DLEU7: variants seen among roughly 807,000 people sequenced by gnomAD.
The protein encoded by DLEU7 is leukemia-associated protein 7.
DLEU7 carries 17 observed loss-of-function variants against 16.0 expected under a neutral mutation model. The ratio of observed to expected loss-of-function variants is 1.06; its 90% CI spans 0.73 to 1.59. The LOEUF (loss-of-function observed/expected upper bound fraction) is 1.59. DLEU7 is among the 40% of genes most tolerant of loss of function. DLEU7 has a pLI of 0.00. For missense variants in DLEU7, 308 were observed against 314.9 expected, an observed-to-expected ratio of 0.98 and a Z score of 0.17; for synonymous variants, 113 against 139.8, an observed-to-expected ratio of 0.81 and a Z score of 1.35.
chr13:50,796,581 A>C (rs1876114607), intron 1 of DLEU7, among the ~76,000 whole-genome samples: 1 of 152,144 alleles, frequency 6.6e-6, no homozygotes, highest in East Asian at 1.9e-4. Flanking sequence ...TTAACAAAAA[A>C]CTCAGAAACT....
chr13:50,827,984 CAA>C (rs199612773), intron 1 of DLEU7, among the ~76,000 whole-genome samples: 1 of 150,970 alleles, frequency 6.6e-6, no homozygotes, highest in African/African-American at 2.4e-5. Flanking sequence ...AAAATAAAAC[CAA>C]AAAAAATCAT....
At chr13:50,731,362 G>A (rs1873907295) in intron 1 of DLEU7, among the ~76,000 whole-genome samples, 1 of 152,142 alleles carries the variant, frequency 6.6e-6, no homozygotes, top group African/African-American at 2.4e-5. Flanking sequence ...CCCTCCACTG[G>A]CAACATGTAT....
chr13:50,807,417 T>C (rs934065941), intron 1 of DLEU7, among the ~76,000 whole-genome samples: 5 of 152,108 alleles, frequency 3.3e-5, no homozygotes, highest in South Asian at 2.1e-4. Context: ...CTCCTCCTGC[T>C]TCTCTCAAGC....
In DLEU7 at chr13:50,794,305, T is replaced by C. The variant is rs34306435; in HGVS notation, c.459+48883A>G. Among the ~76,000 whole-genome samples, 850 of 152,152 alleles carry C rather than the reference T, an allele frequency of 5.6e-3. 8 individuals are homozygous for C. Among genetic ancestry groups the C allele is most frequent in the African/African-American group, 0.019 (791 of 41,496 alleles). ...TAAAAAAGTTGAGTAAAAAGACTTT[T>C]TTTTTTTTTAACATGGAGTGTTTGG... is the stretch of plus-strand genomic sequence containing the variant. On this transcript the variant is annotated intron_variant, in intron 1 of 1. Transcript: ENST00000400393.
At chr13:50,711,772 C>CCGGGGGGGT, downstream of DLEU7, 6 of 73,014 alleles carry the variant, frequency 8.2e-5, no homozygotes, top group African/African-American at 2.3e-4. Flanking sequence ...GACCCAGTGG[C>CCGGGGGGGT]GGGGGCGGGG....
chr13:50,790,596 G>A (rs1012422498), intron 1 of DLEU7, among the ~76,000 whole-genome samples: 9 of 152,138 alleles, frequency 5.9e-5, no homozygotes, highest in African/African-American at 2.2e-4. Context: ...TGGAAAGGAG[G>A]CATGTCTGGG....
chr13:50,739,066 C>G (rs1874173591), intron 1 of DLEU7, among the ~76,000 whole-genome samples: 1 of 151,968 alleles, frequency 6.6e-6, no homozygotes, highest in African/African-American at 2.4e-5. Flanking sequence ...CATGTTCTTT[C>G]CTGCCTTGCG....
intron 1 of DLEU7, among the ~76,000 whole-genome samples, chr13:50,774,607 GGA>G (rs1275471801): frequency 6.6e-6 from 1 of 152,062 alleles, no homozygotes; most frequent in Non-Finnish European, 1.5e-5. Context: ...TGGGATTTGC[GGA>G]GTTTCATGAA....
chr13:50,834,693 T>G (rs1006629955), intron 1 of DLEU7, among the ~76,000 whole-genome samples: 5 of 152,162 alleles, frequency 3.3e-5, no homozygotes, highest in Non-Finnish European at 5.9e-5. Context: ...CATTACTGGT[T>G]ATACACCCAA....
At chr13:50,797,102 C>G (rs927594708) in intron 1 of DLEU7, among the ~76,000 whole-genome samples, 3 of 152,034 alleles carry the variant, frequency 2.0e-5, no homozygotes, top group African/African-American at 7.2e-5. Context: ...ATGTAAGATC[C>G]GAACGTGGAG....
chr13:50,789,123 T>C (rs1875875446), intron 1 of DLEU7, among the ~76,000 whole-genome samples: 1 of 151,862 alleles, frequency 6.6e-6, no homozygotes, highest in African/African-American at 2.4e-5. Flanking sequence ...GCATGAAACA[T>C]TGCTAGAGGG....
chr13:50,781,506 C>T (rs368947399), intron 1 of DLEU7, among the ~76,000 whole-genome samples: 6 of 152,322 alleles, frequency 3.9e-5, no homozygotes, highest in East Asian at 1.9e-4. Context: ...ACTTTGAAAA[C>T]GGCTGCTCTA....
intron 1 of DLEU7, among the ~76,000 whole-genome samples, chr13:50,829,620 G>A (rs905969342): frequency 6.6e-6 from 1 of 152,148 alleles, no homozygotes; most frequent in African/African-American, 2.4e-5. Flanking sequence ...CTGAGGCCCT[G>A]GGCAAACTTC....
chr13:50,798,768 G>A (rs138248999), intron 1 of DLEU7, among the ~76,000 whole-genome samples: 1 of 152,302 alleles, frequency 6.6e-6, no homozygotes, highest in East Asian at 1.9e-4. Flanking sequence ...TCAGAGTGCT[G>A]GAACCTCGAG....
At chr13:50,801,653 C>A (rs1040252281) in intron 1 of DLEU7, among the ~76,000 whole-genome samples, 1 of 152,008 alleles carries the variant, frequency 6.6e-6, no homozygotes, top group Non-Finnish European at 1.5e-5. Context: ...AATTACCTTC[C>A]AAGGAGCATA....
At position 50,797,989 on chromosome 13, in the gene DLEU7, C is replaced by T. The variant is rs751668930; in HGVS notation, c.459+45199G>A. 8.5e-5 allele frequency among the ~76,000 whole-genome samples: 13 copies of T among 152,166 alleles called. 1 individual carries two copies. Among genetic ancestry groups the T allele is most frequent in the Non-Finnish European group, 1.3e-4 (9 of 68,014 alleles). On this transcript the variant is annotated intron_variant, in intron 1 of 1. Transcript: ENST00000400393. ...AGGGAAACATATTAACTAAGAAGTTCACAGTCTAACAGATGGGTAGATGAA... is the reference window on the plus strand; with the variant it reads ...AGGGAAACATATTAACTAAGAAGTTTACAGTCTAACAGATGGGTAGATGAA...
At chr13:50,807,022 T>C (rs905815966) in intron 1 of DLEU7, among the ~76,000 whole-genome samples, 5 of 151,018 alleles carry the variant, frequency 3.3e-5, no homozygotes, top group East Asian at 1.9e-4. Context: ...TCTGCCTTTT[T>C]TTTTCCTACT....
intron 1 of DLEU7, among the ~76,000 whole-genome samples, chr13:50,812,144 T>G (rs4312209): frequency 0.5 from 76,130 of 150,866 alleles, 19,711 homozygotes; most frequent in Non-Finnish European, 0.57. Flanking sequence ...TTTTATTTTA[T>G]TCACTGATTT....
chr13:50,839,436 T>A (rs1372291983), intron 1 of DLEU7, among the ~76,000 whole-genome samples: 1 of 152,246 alleles, frequency 6.6e-6, no homozygotes, highest in Non-Finnish European at 1.5e-5. Context: ...GAGTATTGTG[T>A]TGGTTTCTTT....
Sources: allele counts gnomAD v4.1 joint callset (sites outside exome capture counted in the v4.1 genomes callset), GRCh38; gene constraint gnomAD v4.1.1; transcripts MANE v1.5; gene names NCBI Gene and HGNC (gene_info 2026-07-23, HGNC 2026-07-21).